The following LRBA variants were observed in gnomAD, a reference collection of about 807,000 sequenced individuals.
LRBA encodes the protein lipopolysaccharide-responsive and beige-like anchor protein.
In LRBA, 176 loss-of-function variants were observed where a neutral mutation model predicts 330.0. The observed-to-expected ratio is 0.53, with a 90% confidence interval of 0.47 to 0.60. LRBA has a LOEUF of 0.60. Among genes scored for constraint, LRBA ranks in the 20% least tolerant of loss-of-function variants. LRBA has a pLI of 0.00. For missense variants in LRBA, 3,259 were observed against 3,444.8 expected (o/e 0.95, Z 1.35); for synonymous variants, 1,230 against 1,193.0 (o/e 1.03, Z -0.64).
chr4:150,802,896 C>T (rs143471971), intron 33 of LRBA, among the ~76,000 whole-genome samples: 533 of 151,620 alleles, frequency 3.5e-3, no homozygotes, highest in Non-Finnish European at 5.7e-3. Flanking sequence ...GTGGCACATG[C>T]CTGTAGTCAC....
rs929862959 is a variant in LRBA at position 150,583,810 on chromosome 4, C to T, written c.6330+4238G>A. ...AGTGCTGAAGACTCTGCGGGACCGC[C>T]ACCTGGAGCTACCCGGCCAGCCGCT... On this transcript the variant is annotated intron_variant, in intron 40 of 56. Coordinates refer to ENST00000651943, the MANE Select transcript of LRBA (RefSeq NM_001364905.1). This position sits in a 1 kb window ranked among gnomAD's most constrained non-coding sequence, Gnocchi z 9.8. The T allele has an allele frequency of 6.2e-7, 1 of 1,614,076 alleles. No individual in the cohort carries two copies. The highest frequency in any genetic ancestry group is 1.3e-5 in the African/African-American group (1 of 74,940).
chr4:150,573,962 T>C (rs1770208914), intron 40 of LRBA, among the ~76,000 whole-genome samples: 1 of 152,166 alleles, frequency 6.6e-6, no homozygotes, highest in Non-Finnish European at 1.5e-5. Context: ...AATTTATTTT[T>C]TTAAGTTAAT....
At chr4:150,278,389 A>G (rs1390403977) in intron 55 of LRBA, among the ~76,000 whole-genome samples, 2 of 152,170 alleles carry the variant, frequency 1.3e-5, no homozygotes, top group Non-Finnish European at 2.9e-5. Flanking sequence ...AGATGGTGCC[A>G]CCTGACCTTA....
intron 2 of LRBA, among the ~76,000 whole-genome samples, chr4:150,957,000 T>C (rs550063730): frequency 6.7e-6 from 1 of 148,934 alleles, no homozygotes; most frequent in South Asian, 2.1e-4. Flanking sequence ...CACATAAATA[T>C]GTAATGTGTG....
At chr4:150,559,573 T>G (rs1397503893) in intron 40 of LRBA, among the ~76,000 whole-genome samples, 1 of 120,340 alleles carries the variant, frequency 8.3e-6, no homozygotes, top group East Asian at 2.1e-4. Flanking sequence ...TATAAATATA[T>G]AAATATATAA....
intron 40 of LRBA, among the ~76,000 whole-genome samples, chr4:150,516,185 A>G (rs1762319681): frequency 6.7e-6 from 1 of 148,700 alleles, no homozygotes. Flanking sequence ...TTAAAACATT[A>G]GACTGTAATT....
intron 37 of LRBA, among the ~76,000 whole-genome samples, chr4:150,669,134 G>C (rs997150685): frequency 1.3e-5 from 2 of 152,112 alleles, no homozygotes; most frequent in African/African-American, 4.8e-5. Flanking sequence ...TGAAAAGTGA[G>C]AGTAACTGAA....
At chr4:150,811,398 C>T (rs1173360090) in intron 31 of LRBA, among the ~76,000 whole-genome samples, 1 of 149,598 alleles carries the variant, frequency 6.7e-6, no homozygotes, top group Admixed American at 6.8e-5. Flanking sequence ...ATAAATCCCT[C>T]CCCAGAAAAC....
At chr4:150,821,238 T>C (rs999123113) in intron 30 of LRBA, among the ~76,000 whole-genome samples, 4 of 152,144 alleles carry the variant, frequency 2.6e-5, no homozygotes, top group East Asian at 1.9e-4. Context: ...GTTTCCCAAA[T>C]TGTCAATTAT....
intron 47 of LRBA, among the ~76,000 whole-genome samples, chr4:150,377,082 C>G (rs1463483536): frequency 1.3e-5 from 2 of 148,696 alleles, no homozygotes; most frequent in Non-Finnish European, 3.0e-5. Context: ...AACCTGAGTC[C>G]AGGAGTTCAA....
At chr4:150,853,410 T>C (rs555671738) in intron 22 of LRBA, among the ~76,000 whole-genome samples, 1 of 152,212 alleles carries the variant, frequency 6.6e-6, no homozygotes, top group Admixed American at 6.5e-5. Context: ...TACAGATATC[T>C]ATTAAGCTAC....
At chr4:150,857,456 C>T (rs752623219) in intron 22 of LRBA, among the ~76,000 whole-genome samples, 1 of 152,094 alleles carries the variant, frequency 6.6e-6, no homozygotes, top group Non-Finnish European at 1.5e-5. Flanking sequence ...TCATTTTGAT[C>T]AATTTTAATT....
At chr4:150,880,536 AAC>A (rs915814317) in intron 17 of LRBA, among the ~76,000 whole-genome samples, 12 of 151,980 alleles carry the variant, frequency 7.9e-5, no homozygotes, top group Non-Finnish European at 1.2e-4. Flanking sequence ...AAAAAAAAAA[AAC>A]CTTTTAGCTC....
chr4:150,433,233 C>G (rs1226366526), intron 46 of LRBA, among the ~76,000 whole-genome samples: 1 of 151,938 alleles, frequency 6.6e-6, no homozygotes, highest in Non-Finnish European at 1.5e-5. Flanking sequence ...CATGTGATTT[C>G]TTTTGATGTT....
intron 2 of LRBA, among the ~76,000 whole-genome samples, chr4:150,950,626 C>T (rs1173822622): frequency 2.6e-5 from 4 of 151,552 alleles, no homozygotes; most frequent in Admixed American, 6.6e-5. Flanking sequence ...TACCAATATC[C>T]TTATGTAGGG....
At chr4:150,781,707 G>T (rs993076462) in intron 34 of LRBA, among the ~76,000 whole-genome samples, 1 of 152,058 alleles carries the variant, frequency 6.6e-6, no homozygotes, top group Admixed American at 6.6e-5. Context: ...CTCTCTAGTG[G>T]TATTTTATTC....
intron 40 of LRBA, among the ~76,000 whole-genome samples, chr4:150,514,763 C>T (rs547724221): frequency 8.6e-4 from 131 of 152,168 alleles, no homozygotes; most frequent in Non-Finnish European, 1.5e-3. Context: ...GCATTCGATC[C>T]GAAGTATATT....
chr4:150,827,455 T>C (rs1746434660), intron 30 of LRBA, among the ~76,000 whole-genome samples: 3 of 152,146 alleles, frequency 2.0e-5, no homozygotes, highest in Admixed American at 6.5e-5. Context: ...CTACCTCAAC[T>C]GCCCCTGAGA....
At chr4:150,512,226 T>C (rs917414459) in intron 40 of LRBA, among the ~76,000 whole-genome samples, 6 of 152,184 alleles carry the variant, frequency 3.9e-5, no homozygotes, top group African/African-American at 9.7e-5. Context: ...GGTAAGGGCA[T>C]TGGGGAGGCC....
Sources: allele counts gnomAD v4.1 joint callset (sites outside exome capture counted in the v4.1 genomes callset), GRCh38; gene constraint gnomAD v4.1.1; non-coding constraint Gnocchi (gnomAD v3.1); transcripts MANE v1.5; gene names NCBI Gene and HGNC (gene_info 2026-07-23, HGNC 2026-07-21).